Variants in BCAS3 observed in about 807,000 individuals in gnomAD.
BCAS3 encodes the protein BCAS4/BCAS3 fusion.
A neutral mutation model predicts 116.1 loss-of-function variants in BCAS3; 53 were observed. That is an observed-to-expected ratio of 0.46 (90% CI 0.37 to 0.57). The LOEUF (loss-of-function observed/expected upper bound fraction) is 0.57. BCAS3 is among the 20% of genes least tolerant of loss of function. The probability of loss-of-function intolerance (pLI) is 0.00; values close to 1 mark genes in which losing one functional copy is unlikely to be tolerated. For synonymous variants in BCAS3, 391 were observed against 408.2 expected, an observed-to-expected ratio of 0.96 and a Z score of 0.51; for missense variants, 917 against 1,165.4, an observed-to-expected ratio of 0.79 and a Z score of 3.10.
intron 22 of BCAS3, among the ~76,000 whole-genome samples, chr17:61,111,220 A>C (rs960468227): frequency 2.6e-5 from 4 of 152,268 alleles, no homozygotes; most frequent in African/African-American, 7.2e-5. Context: ...CCAGCAACGG[A>C]ACAAAGGTGG....
intron 5 of BCAS3, among the ~76,000 whole-genome samples, chr17:60,724,420 CAA>C (rs748461644): frequency 1.3e-4 from 5 of 39,770 alleles, no homozygotes; most frequent in African/African-American, 9.8e-5. Context: ...GAGACTGTCT[CAA>C]AAAAAAAAAA....
At position 61,377,613 on chromosome 17, in the gene BCAS3, G is replaced by A. The variant is rs148241480; in HGVS notation, c.2593+9119G>A. Among the ~76,000 whole-genome samples, 1,017 of 152,272 alleles carry A rather than the reference G, an allele frequency of 6.7e-3. 5 individuals are homozygous for A. Among genetic ancestry groups the A allele is most frequent in the Non-Finnish European group, 0.01 (682 of 68,020 alleles). On this transcript the variant is annotated intron_variant, in intron 23 of 23. Transcript: ENST00000407086. The surrounding 1 kb of genome is among the most constrained non-coding windows in gnomAD (Gnocchi z 4.6). ...GTTTCTTCCTCTGTGACACAGTGTG[G>A]GGAGGAGGAGCTAGTAAATGTAGTA...
At chr17:60,882,622 G>C (rs1401465016) in intron 9 of BCAS3, among the ~76,000 whole-genome samples, 3 of 151,410 alleles carry the variant, frequency 2.0e-5, no homozygotes, top group Non-Finnish European at 4.4e-5. Flanking sequence ...TTTTGTATAA[G>C]GTGTAAGGAA....
At chr17:60,912,125 A>G (rs1189232725) in intron 12 of BCAS3, among the ~76,000 whole-genome samples, 1 of 152,136 alleles carries the variant, frequency 6.6e-6, no homozygotes, top group African/African-American at 2.4e-5. Flanking sequence ...CATTTTAAAT[A>G]TACGTTTCTT....
intron 8 of BCAS3, among the ~76,000 whole-genome samples, chr17:60,871,918 G>C (rs2055140497): frequency 6.6e-6 from 1 of 151,790 alleles, no homozygotes; most frequent in South Asian, 2.1e-4. Flanking sequence ...ATGATAATTT[G>C]TGTAGGATTG....
intron 22 of BCAS3, among the ~76,000 whole-genome samples, chr17:61,291,562 T>C (rs2080694336): frequency 1.3e-5 from 2 of 152,242 alleles, no homozygotes; most frequent in Admixed American, 1.3e-4. Flanking sequence ...ATGGCTTGTT[T>C]TGCTGTGCTT....
chr17:61,311,537 G>A (rs2054303909), intron 22 of BCAS3, among the ~76,000 whole-genome samples: 1 of 152,162 alleles, frequency 6.6e-6, no homozygotes, highest in African/African-American at 2.4e-5. Context: ...AAATTAGTAT[G>A]TACTAATTTC....
intron 5 of BCAS3, among the ~76,000 whole-genome samples, chr17:60,742,800 A>G (rs1318242587): frequency 6.6e-6 from 1 of 151,870 alleles, no homozygotes; most frequent in Non-Finnish European, 1.5e-5. Flanking sequence ...GTCCATGAAC[A>G]GTAGTACAAT....
chr17:61,164,676 C>T (rs1488645921), intron 22 of BCAS3, among the ~76,000 whole-genome samples: 1 of 152,166 alleles, frequency 6.6e-6, no homozygotes, highest in Non-Finnish European at 1.5e-5. Flanking sequence ...CCATCTTCCA[C>T]CATAGAATGA....
chr17:61,384,533 T>G (rs1603213093), intron 23 of BCAS3: 1 of 152,080 alleles, frequency 6.6e-6, no homozygotes. Context: ...GAGGCCAGAG[T>G]GAAGTCTCGG....
chr17:60,837,106 C>CT, intron 7 of BCAS3, among the ~76,000 whole-genome samples: 1 of 152,188 alleles, frequency 6.6e-6, no homozygotes, highest in South Asian at 2.1e-4. Flanking sequence ...AATGATTGCA[C>CT]TTTAACCTTA....
At chr17:60,760,128 A>C (rs913082098) in intron 6 of BCAS3, among the ~76,000 whole-genome samples, 2 of 152,220 alleles carry the variant, frequency 1.3e-5, no homozygotes, top group Non-Finnish European at 2.9e-5. Flanking sequence ...TCTTTTATAC[A>C]TTCAGCCAGT....
At chr17:60,767,137 C>A (rs1382784100) in intron 6 of BCAS3, among the ~76,000 whole-genome samples, 1 of 152,206 alleles carries the variant, frequency 6.6e-6, no homozygotes, top group Non-Finnish European at 1.5e-5. Context: ...AATCCCCCGA[C>A]CCTTTGCGCT....
At position 61,151,468 on chromosome 17, in the gene BCAS3, A is replaced by G. The variant is rs1264684011; in HGVS notation, c.2425+66904A>G. Among the ~76,000 whole-genome samples the G allele has an allele frequency of 2.7e-5, 4 of 146,626 alleles. No individual in the cohort carries two copies. The highest frequency in any genetic ancestry group is 1.1e-4 in the African/African-American group (4 of 37,458). On this transcript the variant is annotated intron_variant, in intron 22 of 23. Coordinates refer to ENST00000407086, the MANE Select transcript of BCAS3 (RefSeq NM_017679.5). The surrounding 1 kb of genome is among the most constrained non-coding windows in gnomAD (Gnocchi z 4.8). ...CTAATCTAAACATCTCTTTCATTCA[A>G]CGTTTTCTTTTTTTTTTGAGATAGG...
In BCAS3 at chr17:61,007,640, A is replaced by G. The variant is rs2064809910; in HGVS notation, c.1487-8111A>G. Among the ~76,000 whole-genome samples, 1 of 151,946 alleles carries G rather than the reference A, an allele frequency of 6.6e-6. No individual in the cohort carries two copies. Among genetic ancestry groups the G allele is most frequent in the Non-Finnish European group, 1.5e-5 (1 of 67,950 alleles). On this transcript the variant is annotated intron_variant, in intron 15 of 23. Transcript: ENST00000407086. The surrounding 1 kb of genome is among the most constrained non-coding windows in gnomAD (Gnocchi z 4.3). ...ATAAGCCCTAGGCAAAGCTCCATGC[A>G]GGCTACTTTGTATGTAGTGGGGAGA...
At position 60,947,362 on chromosome 17, in the gene BCAS3, A is replaced by G; in HGVS notation, c.1221+10A>G. The G allele has an allele frequency of 6.2e-7, 1 of 1,611,104 alleles. No individual in the cohort carries two copies. Among genetic ancestry groups the G allele is most frequent in the Non-Finnish European group, 8.5e-7 (1 of 1,178,286 alleles). ...AGAAACTGAAGCCAAAGTAAGCTGTATAATTTTTCAGAAGGCGATTTCTTG... is the reference window on the plus strand; with the variant it reads ...AGAAACTGAAGCCAAAGTAAGCTGTGTAATTTTTCAGAAGGCGATTTCTTG... On this transcript the variant is annotated intron_variant, in intron 14 of 23. Coordinates refer to ENST00000407086, the MANE Select transcript of BCAS3 (RefSeq NM_017679.5).
At chr17:60,902,450 G>A (rs374474868) in intron 10 of BCAS3, among the ~76,000 whole-genome samples, 170 bp from the exon 11 acceptor site, 139 of 152,316 alleles carry the variant, frequency 9.1e-4, no homozygotes, top group African/African-American at 3.2e-3. Context: ...ATAAAAAGGG[G>A]TAGAAGTGTC....
At chr17:60,950,736 T>A (rs928102284) in intron 14 of BCAS3, among the ~76,000 whole-genome samples, 2 of 152,256 alleles carry the variant, frequency 1.3e-5, no homozygotes, top group Non-Finnish European at 2.9e-5. Context: ...TCAACAGATC[T>A]GCAGAGCGTT....
chr17:60,968,320 A>G (rs950335367), intron 14 of BCAS3, among the ~76,000 whole-genome samples: 3 of 152,018 alleles, frequency 2.0e-5, no homozygotes, highest in Non-Finnish European at 4.4e-5. Flanking sequence ...GGCTGGAGCA[A>G]TCCTCTAACC....
Sources: allele counts gnomAD v4.1 joint callset (sites outside exome capture counted in the v4.1 genomes callset), GRCh38; gene constraint gnomAD v4.1.1; non-coding constraint Gnocchi (gnomAD v3.1); transcripts MANE v1.5; gene names NCBI Gene and HGNC (gene_info 2026-07-23, HGNC 2026-07-21).